TENM2: variants seen among roughly 807,000 people sequenced by gnomAD.
TENM2 encodes the protein teneurin-2.
Under a neutral mutation model 245.2 loss-of-function variants are expected in TENM2, and 52 were observed. The ratio of observed to expected loss-of-function variants is 0.21; its 90% CI spans 0.17 to 0.27. The LOEUF (loss-of-function observed/expected upper bound fraction) is 0.27. Among genes scored for constraint, TENM2 ranks in the 10% least tolerant of loss-of-function variants. The pLI, the probability that TENM2 is intolerant of heterozygous loss-of-function variation, is 1.00. For synonymous variants in TENM2, 1,363 were observed against 1,438.9 expected (o/e 0.95, Z 1.19); for missense variants, 3,046 against 3,666.8 (o/e 0.83, Z 4.37).
chr5:168,218,476 A>T lies in TENM2; in HGVS notation c.4585A>T (p.Asn1529Tyr). The change falls in exon 23 of 29, where the codon AAC becomes TAC. Residue 1529 changes from asparagine to tyrosine, a missense_variant. Asn to Tyr is a moderately radical substitution (Grantham distance 143). Coordinates refer to ENST00000518659, the Ensembl canonical transcript of TENM2. This position sits in a 1 kb window ranked among gnomAD's most constrained non-coding sequence, Gnocchi z 5.2. ...CGACTGCAAAAACGATGTCAATTGCAACTGCTATTCAGGAGATGATGCCTA... is the reference window on the plus strand; with the variant it reads ...CGACTGCAAAAACGATGTCAATTGCTACTGCTATTCAGGAGATGATGCCTA... 5 of 1,614,050 alleles carry T rather than the reference A, an allele frequency of 3.1e-6. No individual in the cohort carries two copies.
At chr5:167,737,996 GTGT>G (rs1392954995) in intron 2 of TENM2, among the ~76,000 whole-genome samples, 1 of 152,228 alleles carries the variant, frequency 6.6e-6, no homozygotes, top group Non-Finnish European at 1.5e-5. Context: ...TGTCATGGCT[GTGT>G]TGTTAATCAA....
chr5:167,280,123 A>G (rs1487102192), upstream of TENM2, among the ~76,000 whole-genome samples: 1 of 152,266 alleles, frequency 6.6e-6, no homozygotes, highest in African/African-American at 2.4e-5. Context: ...CAACATTCAA[A>G]GGCAGGGAGT....
intron 5 of TENM2, among the ~76,000 whole-genome samples, chr5:168,037,547 T>TTC (rs941338282): frequency 1.3e-4 from 20 of 151,688 alleles, no homozygotes; most frequent in Non-Finnish European, 2.9e-4. Context: ...TCTTTTTTTT[T>TTC]TTTTTTGGCT....
At chr5:167,231,995 A>G in the TENM2 span, among the ~76,000 whole-genome samples, 31,696 of 152,124 alleles carry the variant, frequency 0.21, 3,877 homozygotes, top group African/African-American at 0.34. Flanking sequence ...TCAAGCCCCA[A>G]GTATTGGTGA....
intron 4 of TENM2, among the ~76,000 whole-genome samples, chr5:167,954,420 A>G (rs1270469064): frequency 6.6e-6 from 1 of 152,220 alleles, no homozygotes; most frequent in Non-Finnish European, 1.5e-5. Context: ...TCAAACATTA[A>G]AAACATTCCA....
intron 2 of TENM2, among the ~76,000 whole-genome samples, chr5:167,813,972 G>C (rs1360568853): frequency 6.6e-6 from 1 of 152,138 alleles, no homozygotes. Context: ...CTACAATGAA[G>C]GTAGCAGTTC....
chr5:168,257,816 A>G (rs1767812910), intron 27 of TENM2, among the ~76,000 whole-genome samples: 1 of 152,082 alleles, frequency 6.6e-6, no homozygotes, highest in Non-Finnish European at 1.5e-5. Flanking sequence ...GAGTTTCACC[A>G]TGTTGGACAG....
chr5:167,920,706 A>G (rs1777305709), intron 3 of TENM2, among the ~76,000 whole-genome samples: 1 of 152,182 alleles, frequency 6.6e-6, no homozygotes, highest in South Asian at 2.1e-4. Flanking sequence ...GGAGATCTTG[A>G]AACTTGACTA....
At chr5:167,868,635 G>A (rs1217542360) in intron 2 of TENM2, among the ~76,000 whole-genome samples, 4 of 151,346 alleles carry the variant, frequency 2.6e-5, no homozygotes, top group African/African-American at 4.9e-5. Context: ...TACTCAGGAG[G>A]CTGAGGCATG....
intron 2 of TENM2, among the ~76,000 whole-genome samples, chr5:167,654,497 G>A (rs1005014938): frequency 3.3e-5 from 5 of 152,004 alleles, no homozygotes; most frequent in African/African-American, 9.7e-5. Context: ...CGTGTTAGGC[G>A]AACTCGAAAG....
At chr5:166,992,933 T>G in the TENM2 span, among the ~76,000 whole-genome samples, 6 of 152,150 alleles carry the variant, frequency 3.9e-5, no homozygotes, top group Non-Finnish European at 8.8e-5. Context: ...TTTTATAGAA[T>G]TTCAAAAATG....
intron 3 of TENM2, among the ~76,000 whole-genome samples, chr5:167,908,683 CTCCCTCTCTGTT>C (rs1776310660): frequency 7.1e-6 from 1 of 141,248 alleles, no homozygotes; most frequent in Non-Finnish European, 1.5e-5. Context: ...CTTTTTCTCT[CTCCCTCTCTGTT>C]TCCCTCTCTC....
the TENM2 span, among the ~76,000 whole-genome samples, chr5:167,115,235 G>A: frequency 6.6e-6 from 1 of 152,310 alleles, no homozygotes; most frequent in East Asian, 1.9e-4. Context: ...TCTAATTCAA[G>A]AGGCTGGGCT....
intron 2 of TENM2, among the ~76,000 whole-genome samples, chr5:167,638,093 GTGTGTGTGTGTGT>G: frequency 2.6e-3 from 1 of 382 alleles, no homozygotes; most frequent in Non-Finnish European, 6.1e-3. Context: ...CAGGGCAGGT[GTGTGTGTGTGTGT>G]GTGTGTGTGT....
At chr5:167,195,681 A>G in the TENM2 span, among the ~76,000 whole-genome samples, 4 of 152,050 alleles carry the variant, frequency 2.6e-5, no homozygotes, top group African/African-American at 4.8e-5. Flanking sequence ...AAGAGCTATT[A>G]TTACTAATGC....
In TENM2 at chr5:167,462,160, C is replaced by T. The variant is rs542976323; in HGVS notation, c.502+86687C>T. ...TTCTTCAGACTAATGCATTCTGAAACGGGAGAGTTCCCTGACCCCCACCCC... is the reference window on the plus strand; with the variant it reads ...TTCTTCAGACTAATGCATTCTGAAATGGGAGAGTTCCCTGACCCCCACCCC... On this transcript the variant is annotated intron_variant, in intron 2 of 28. Coordinates refer to ENST00000518659, the Ensembl canonical transcript of TENM2. Among the ~76,000 whole-genome samples the T allele has an allele frequency of 4.8e-3, 654 of 136,726 alleles. 4 individuals are homozygous for T. Among genetic ancestry groups the T allele is most frequent in the Non-Finnish European group, 7.8e-3 (502 of 64,200 alleles). The allele number at this position is 136,726 out of a possible 152,430, so 89.7% of individuals were successfully genotyped here.
At chr5:167,311,720 G>A (rs750179201) in intron 1 of TENM2, among the ~76,000 whole-genome samples, 4 of 152,144 alleles carry the variant, frequency 2.6e-5, no homozygotes, top group African/African-American at 4.8e-5. Flanking sequence ...ATAAAAGAAC[G>A]AGTAGGCCAG....
chr5:167,104,833 T>TA, the TENM2 span, among the ~76,000 whole-genome samples: 1 of 152,204 alleles, frequency 6.6e-6, no homozygotes, highest in Non-Finnish European at 1.5e-5. Context: ...ATATGGAATC[T>TA]GAAAAATATG....
the TENM2 span, among the ~76,000 whole-genome samples, chr5:167,092,482 C>A: frequency 1.3e-5 from 2 of 152,184 alleles, no homozygotes; most frequent in Non-Finnish European, 2.9e-5. Flanking sequence ...GAAAATACAG[C>A]TGATATTACA....
Sources: gnomAD v4.1 joint callset for allele counts (sites outside exome capture counted in the v4.1 genomes callset) on GRCh38, gnomAD v4.1.1 for gene constraint, Gnocchi (gnomAD v3.1) non-coding constraint, MANE v1.5 for transcripts, NCBI Gene and HGNC (gene_info 2026-07-23, HGNC 2026-07-21) for gene names.